Variants in LTF observed in about 807,000 individuals in gnomAD.
LTF encodes the protein lactotransferrin.
LTF carries 91 observed loss-of-function variants against 87.2 expected under a neutral mutation model. The ratio of observed to expected loss-of-function variants is 1.04; its 90% CI spans 0.88 to 1.24. The LOEUF is 1.24. Among genes scored for constraint, LTF ranks in the 50% most tolerant of loss-of-function variants. LTF has a pLI of 0.00. For synonymous variants in LTF, 378 were observed against 356.1 expected (o/e 1.06, Z -0.69); for missense variants, 901 against 904.3 (o/e 1.00, Z 0.05).
intron 3 of LTF, 52 bp downstream of exon 3, chr3:46,456,238 C>T (rs1185586071): frequency 6.9e-7 from 1 of 1,452,064 alleles, no homozygotes; most frequent in Non-Finnish European, 9.7e-7. Flanking sequence ...CCACACAGCT[C>T]AGGGCACAGG....
At chr3:46,468,424 G>A (rs1703242976), upstream of LTF, 4 of 430,140 alleles carry the variant, frequency 9.3e-6, no homozygotes, top group Non-Finnish European at 1.9e-5. Context: ...AGTGGCAAGA[G>A]CTAGTGTTCA....
chr3:46,449,904 C>T lies in LTF; in HGVS notation c.1007G>A (p.Gly336Glu), dbSNP rs769322438. The change falls in exon 8 of 17, where the codon GGG becomes GAG. Residue 336 changes from glycine to glutamate, a missense_variant. Physicochemically the swap from Gly to Glu is moderately conservative, Grantham distance 98. Transcript: ENST00000231751. Reference protein sequence around the residue: ...FSRVPPRIDSGLYLGSGYFTA... With the variant: ...FSRVPPRIDSELYLGSGYFTA... The stretch of plus-strand genomic sequence containing the variant: ...GAAGTAGCCGGAGCCAAGGTACAGC[C>T]CAGAATCTATCCTCGGGGGCACCCT... 2.5e-6 allele frequency: 4 copies of T among 1,614,032 alleles called. No individual in the cohort carries two copies. The highest frequency in any genetic ancestry group is 3.4e-6 in the Non-Finnish European group (4 of 1,180,034).
intron 1 of LTF, among the ~76,000 whole-genome samples, 180 bp downstream of exon 1, chr3:46,464,645 C>T (rs1480887612): frequency 6.6e-6 from 1 of 152,232 alleles, no homozygotes; most frequent in East Asian, 1.9e-4. Context: ...GCTCCTGTTC[C>T]TCCCCATGTG....
At chr3:46,484,303 T>C (rs1436791088) in intron 1 of LTF, among the ~76,000 whole-genome samples, 1 of 152,194 alleles carries the variant, frequency 6.6e-6, no homozygotes, top group Non-Finnish European at 1.5e-5. Context: ...ACAAAGTTGT[T>C]TGGCAGACTT....
chr3:46,464,702 C>A, intron 1 of LTF, 123 bp downstream of exon 1: 3 of 1,068,848 alleles, frequency 2.8e-6, no homozygotes, highest in Non-Finnish European at 2.8e-6. Context: ...GCTGTAGGCG[C>A]TGGGACCGCG....
In LTF at chr3:46,436,128, G is replaced by T; in HGVS notation, c.*67C>A. On this transcript the variant is annotated 3_prime_UTR_variant, in exon 17 of 17. Coordinates refer to ENST00000231751, the MANE Select transcript of LTF (RefSeq NM_002343.6). Reference sequence around the variant, plus strand: ...GGGAGGCCAAGGCCCCAACACACCTGGGGAGAAGAGCTGGGGGCAGTGAAT... The same window carrying T: ...GGGAGGCCAAGGCCCCAACACACCTTGGGAGAAGAGCTGGGGGCAGTGAAT... 6.6e-7 allele frequency: 1 copy of T among 1,517,940 alleles called. No homozygotes were observed. Among genetic ancestry groups the T allele is most frequent in the Non-Finnish European group, 9.2e-7 (1 of 1,092,636 alleles). The allele number at this position is 1,517,940 out of a possible 1,614,324, so 94.0% of individuals were successfully genotyped here.
chr3:46,455,390 C>G lies in LTF; in HGVS notation c.552G>C (p.Gln184His). The part of the protein sequence containing the change: ...ASCVPGADKG[Q>H]FPNLCRLCAG... Reference sequence around the variant, plus strand: ...CACACAGGCGACACAGGTTGGGGAACTGTCCTTTATCTGCACCGGGAACAC... The same window carrying G: ...CACACAGGCGACACAGGTTGGGGAAGTGTCCTTTATCTGCACCGGGAACAC... The change falls in exon 5 of 17, where the codon CAG (glutamine) becomes CAC (histidine). Residue 184 changes from glutamine to histidine, a missense_variant. By Grantham distance (24) the Gln-to-His change is conservative. Transcript: ENST00000231751. The G allele has an allele frequency of 6.2e-7, 1 of 1,614,250 alleles. No homozygotes were observed. The highest frequency in any genetic ancestry group is 8.5e-7 in the Non-Finnish European group (1 of 1,180,038).
intron 10 of LTF, among the ~76,000 whole-genome samples, chr3:46,446,860 C>T (rs998970651): frequency 8.5e-5 from 13 of 152,200 alleles, no homozygotes; most frequent in Non-Finnish European, 1.9e-4. Context: ...ATTCCTTTAA[C>T]ATGAAGTTTA....
intron 1 of LTF, among the ~76,000 whole-genome samples, chr3:46,474,312 A>G (rs370369915): frequency 6.6e-6 from 1 of 152,244 alleles, no homozygotes; most frequent in South Asian, 2.1e-4. Context: ...GAAGAGCTAC[A>G]TTAATATTAG....
intron 1 of LTF, among the ~76,000 whole-genome samples, chr3:46,464,571 T>TTCCC (rs1393506254): frequency 6.6e-6 from 1 of 152,196 alleles, no homozygotes; most frequent in Non-Finnish European, 1.5e-5. Context: ...GACAGGGGCC[T>TTCCC]GGGAGGCCTT....
intron 13 of LTF, among the ~76,000 whole-genome samples, chr3:46,442,988 C>T (rs960636694): frequency 1.3e-5 from 2 of 152,194 alleles, no homozygotes; most frequent in Admixed American, 6.5e-5. Flanking sequence ...AATAACACTG[C>T]AATTCTGCCA....
In LTF at chr3:46,462,152, C is replaced by T. The variant is rs966837789; in HGVS notation, c.44-2333G>A. 1.2e-4 allele frequency among the ~76,000 whole-genome samples: 18 copies of T among 152,334 alleles called. No individual in the cohort carries two copies. In the East Asian group the frequency reaches 3.3e-3, roughly 28 times the overall value. On this transcript the variant is annotated intron_variant, in intron 1 of 16. Transcript: ENST00000231751. ...CCCAATCAGATGCAGCCATTTGTGA[C>T]CCAGTGAGCATTAACTGGATGCCTG...
At chr3:46,480,539 T>C (rs990062191) in intron 1 of LTF, among the ~76,000 whole-genome samples, 33 of 152,240 alleles carry the variant, frequency 2.2e-4, no homozygotes, top group South Asian at 2.1e-4. Flanking sequence ...ATGGTCCCTA[T>C]CTGGTGCTGG....
intron 1 of LTF, among the ~76,000 whole-genome samples, chr3:46,481,080 C>T (rs2106929137): frequency 6.6e-6 from 1 of 152,312 alleles, no homozygotes; most frequent in South Asian, 2.1e-4. Context: ...CATGATGTCT[C>T]TCCTTGGCCC....
intron 13 of LTF, chr3:46,441,758 G>A: frequency 2.8e-6 from 1 of 355,298 alleles, no homozygotes; most frequent in Non-Finnish European, 5.1e-6. Context: ...ACAAAGGAAA[G>A]CACCAAAATA....
rs781749998 is a variant in LTF at position 46,449,964 on chromosome 3, T to C, written c.947A>G (p.Asp316Gly). Residue 316 changes from aspartate (D) to glycine (G), a missense_variant, in exon 8 of 17, where the codon GAT becomes GGT. Physicochemically the swap from Asp to Gly is moderately conservative, Grantham distance 94 (BLOSUM62 -1). Transcript: ENST00000231751. ...QLFGSPSGQK[D>G]LLFKDSAIGF... ...AATGGCAGAGTCCTTGAACAGCAGA[T>C]CTTTCTGCCCACTAGGGGAGCCAAA... 7 of 1,614,096 alleles carry C rather than the reference T, an allele frequency of 4.3e-6. No individual in the cohort carries two copies. The East Asian group carries it at 1.1e-4, about 26-fold the overall frequency.
upstream of LTF, among the ~76,000 whole-genome samples, chr3:46,465,567 G>A (rs1703192986): frequency 6.6e-6 from 1 of 151,404 alleles, no homozygotes; most frequent in Non-Finnish European, 1.5e-5. Context: ...TTGCCAATGA[G>A]AAAGATGCCC....
At chr3:46,484,785 C>G (rs1703495212) in intron 1 of LTF, among the ~76,000 whole-genome samples, 1 of 152,178 alleles carries the variant, frequency 6.6e-6, no homozygotes. Context: ...TGTGTCTCAC[C>G]CCATGCCCCT....
At chr3:46,437,818 A>G (rs546603564) in intron 16 of LTF, 122 bp downstream of exon 16, 29 of 738,490 alleles carry the variant, frequency 3.9e-5, no homozygotes, top group African/African-American at 3.9e-4. Context: ...TGAACTGTAA[A>G]GAGATATTAT....
Sources: allele counts gnomAD v4.1 joint callset (sites outside exome capture counted in the v4.1 genomes callset), GRCh38; gene constraint gnomAD v4.1.1; transcripts MANE v1.5; gene names NCBI Gene and HGNC (gene_info 2026-07-23, HGNC 2026-07-21).